The following CELF4 variants were observed in gnomAD, a reference collection of about 807,000 sequenced individuals.
CELF4 encodes the protein CUGBP Elav-like family member 4, also known as CUG-BP- and ETR-3-like factor 4.
Under a neutral mutation model 59.9 loss-of-function variants are expected in CELF4, and 18 were observed. The ratio of observed to expected loss-of-function variants is 0.30; its 90% confidence interval spans 0.21 to 0.45. CELF4 has a LOEUF of 0.45. CELF4 is among the 20% of genes least tolerant of loss of function. CELF4 has a pLI of 1.00. For missense variants in CELF4, 456 were observed against 689.0 expected (o/e 0.66, Z 3.79); for synonymous variants, 261 against 267.1 (o/e 0.98, Z 0.22).
At chr18:37,383,781 C>A (rs2099068454) in intron 2 of CELF4, among the ~76,000 whole-genome samples, 1 of 152,228 alleles carries the variant, frequency 6.6e-6, no homozygotes, top group Admixed American at 6.5e-5. Context: ...CAAGTTACAA[C>A]TGGGACCAGC....
Position 37,253,751 on chromosome 18 carries a change from G to A in CELF4, c.*44+16C>T. ...CTCCCAACCCCCGTCCCCGCGCCCC[G>A]GCCGCCCCCGGTTACCTGTGCGAGT... On this transcript the variant is annotated intron_variant, in intron 12 of 12. Transcript: ENST00000420428. The surrounding 1 kb of genome is among the most constrained non-coding windows in gnomAD (Gnocchi z 4.5). 1 of 1,510,508 alleles carries A rather than the reference G, an allele frequency of 6.6e-7. No individual in the cohort carries two copies. The highest frequency in any genetic ancestry group is 8.9e-7 in the Non-Finnish European group (1 of 1,120,032). 93.6% of individuals were successfully genotyped at this position (1,510,508 alleles called of 1,614,324 possible).
At position 37,253,691 on chromosome 18, in the gene CELF4, G is replaced by A; in HGVS notation, c.*44+76C>T. 8.5e-7 allele frequency: 1 copy of A among 1,175,708 alleles called. No individual in the cohort carries two copies. The highest frequency in any genetic ancestry group is 2.9e-5 in the East Asian group (1 of 34,612). 72.8% of individuals were successfully genotyped at this position (1,175,708 alleles called of 1,614,324 possible). On this transcript the variant is annotated intron_variant, in intron 12 of 12. Transcript: ENST00000420428. The surrounding 1 kb of genome is among the most constrained non-coding windows in gnomAD (Gnocchi z 4.5). ...AGGCACCAGTGAGGGTCCGGCCCAC[G>A]GAGGCCGGAGGAGGCGGCGGGTCCG...
At chr18:37,501,510 A>T (rs2099931858) in intron 1 of CELF4, among the ~76,000 whole-genome samples, 1 of 152,206 alleles carries the variant, frequency 6.6e-6, no homozygotes, top group Admixed American at 6.5e-5. Flanking sequence ...GCAGGGAAAT[A>T]GAAGAAGAAA....
chr18:37,306,716 C>T (rs560839970), intron 3 of CELF4, among the ~76,000 whole-genome samples: 7 of 152,188 alleles, frequency 4.6e-5, no homozygotes, highest in South Asian at 4.1e-4. Flanking sequence ...CCGTGGTGAG[C>T]GGTGAGCGGA....
intron 2 of CELF4, among the ~76,000 whole-genome samples, chr18:37,357,234 C>T (rs886775527): frequency 3.3e-5 from 5 of 152,084 alleles, no homozygotes; most frequent in African/African-American, 9.7e-5. Flanking sequence ...GAACAGCAAG[C>T]GAAAAGGCAA....
At chr18:37,466,850 A>G (rs2099810321) in intron 2 of CELF4, among the ~76,000 whole-genome samples, 1 of 152,164 alleles carries the variant, frequency 6.6e-6, no homozygotes, top group Non-Finnish European at 1.5e-5. Flanking sequence ...TGAGTTTGGA[A>G]TGCTGGCCAA....
intron 2 of CELF4, among the ~76,000 whole-genome samples, chr18:37,460,868 T>A (rs1299810114): frequency 6.6e-6 from 1 of 152,192 alleles, no homozygotes; most frequent in Non-Finnish European, 1.5e-5. Context: ...GTGGGTTGAT[T>A]GGATGTGGGA....
At chr18:37,446,145 G>A (rs763698951) in intron 2 of CELF4, among the ~76,000 whole-genome samples, 5 of 152,202 alleles carry the variant, frequency 3.3e-5, no homozygotes, top group African/African-American at 9.6e-5. Flanking sequence ...GCGGACTAAC[G>A]TGGGTGGTGG....
chr18:37,501,158 C>G (rs2099931427), intron 1 of CELF4, among the ~76,000 whole-genome samples: 1 of 152,220 alleles, frequency 6.6e-6, no homozygotes, highest in South Asian at 2.1e-4. Flanking sequence ...AAGGCCCCCA[C>G]AGCATGGCAT....
intron 10 of CELF4, among the ~76,000 whole-genome samples, chr18:37,263,982 C>G (rs1344871700): frequency 6.6e-6 from 1 of 152,158 alleles, no homozygotes; most frequent in African/African-American, 2.4e-5. Context: ...GAGGGGGATT[C>G]TTGGACCCCA....
At chr18:37,300,328 G>A (rs566598379) in intron 3 of CELF4, among the ~76,000 whole-genome samples, 41 of 152,098 alleles carry the variant, frequency 2.7e-4, no homozygotes, top group African/African-American at 9.6e-4. Context: ...AGGCTCAAGC[G>A]ATTCTCCTGC....
chr18:37,354,270 A>G (rs2154556286), intron 2 of CELF4, among the ~76,000 whole-genome samples: 1 of 152,246 alleles, frequency 6.6e-6, no homozygotes, highest in South Asian at 2.1e-4. Flanking sequence ...AGTCTAGGTG[A>G]GTGACCTTCC....
In CELF4 at chr18:37,330,858, G is replaced by A. The variant is rs113765257; in HGVS notation, c.370-8977C>T. Among the ~76,000 whole-genome samples, 6 of 152,218 alleles carry A rather than the reference G, an allele frequency of 3.9e-5. 1 individual carries two copies. Among genetic ancestry groups the A allele is most frequent in the African/African-American group, 1.4e-4 (6 of 41,546 alleles). The stretch of plus-strand genomic sequence containing the variant: ...ATCCTCCCTCCTCCAGCAAAGTGGC[G>A]CGTTGCACCTTTGGATTAGGAAGGG... On this transcript the variant is annotated intron_variant, in intron 2 of 12. Coordinates refer to ENST00000420428, the MANE Select transcript of CELF4 (RefSeq NM_020180.4).
At chr18:37,400,590 T>C (rs2099314553) in intron 2 of CELF4, among the ~76,000 whole-genome samples, 3 of 152,194 alleles carry the variant, frequency 2.0e-5, no homozygotes, top group South Asian at 2.1e-4. Context: ...AAACCATATA[T>C]TGGAGCACTT....
At chr18:37,503,892 G>A (rs1167165367) in intron 1 of CELF4, among the ~76,000 whole-genome samples, 1 of 152,074 alleles carries the variant, frequency 6.6e-6, no homozygotes, top group Non-Finnish European at 1.5e-5. Context: ...TTCCTTCCCT[G>A]ACCCCATCTG....
At chr18:37,504,212 C>T (rs1464451384) in intron 1 of CELF4, among the ~76,000 whole-genome samples, 2 of 152,150 alleles carry the variant, frequency 1.3e-5, no homozygotes, top group African/African-American at 2.4e-5. Flanking sequence ...GGCTTACGGC[C>T]GGGCACAGTG....
At chr18:37,482,768 A>T (rs1194554690) in intron 2 of CELF4, among the ~76,000 whole-genome samples, 1 of 152,102 alleles carries the variant, frequency 6.6e-6, no homozygotes, top group East Asian at 1.9e-4. Context: ...CAGCAATGGG[A>T]TTATTTTTCT....
chr18:37,376,952 C>T (rs904587327), intron 2 of CELF4, among the ~76,000 whole-genome samples: 11 of 145,278 alleles, frequency 7.6e-5, no homozygotes, highest in East Asian at 2.0e-4. Context: ...GCAGGGGGCA[C>T]AGCAGGGAGC....
At chr18:37,316,017 T>C (rs1398262264) in intron 3 of CELF4, among the ~76,000 whole-genome samples, 2 of 152,164 alleles carry the variant, frequency 1.3e-5, no homozygotes, top group East Asian at 3.9e-4. Flanking sequence ...TCACCTGGAC[T>C]GAGACCTGGG....
Sources: gnomAD v4.1 joint callset for allele counts (sites outside exome capture counted in the v4.1 genomes callset) on GRCh38, gnomAD v4.1.1 for gene constraint, Gnocchi (gnomAD v3.1) non-coding constraint, MANE v1.5 for transcripts, NCBI Gene and HGNC (gene_info 2026-07-23, HGNC 2026-07-21) for gene names.